CRIPTO: variants seen among roughly 807,000 people sequenced by gnomAD.
CRIPTO encodes cripto, EGF-CFC family member, also known as protein Cripto.
the CRIPTO span, chr3:46,581,229 T>C: frequency 1.5e-4 from 244 of 1,613,790 alleles, no homozygotes; most frequent in Non-Finnish European, 2.9e-5. Flanking sequence ...GCATCTGCCT[T>C]TCTATACAAA....
the CRIPTO span, chr3:46,580,023 G>T: frequency 1.9e-6 from 3 of 1,614,272 alleles, no homozygotes; most frequent in Admixed American, 5.0e-5. Context: ...GGCACGGTCA[G>T]CTCCGCTGCT....
At chr3:46,579,453 C>T in the CRIPTO span, 1 of 1,605,454 alleles carries the variant, frequency 6.2e-7, no homozygotes, top group South Asian at 1.1e-5. Flanking sequence ...CCTAAAAGGG[C>T]ACCTGGTTCT....
At chr3:46,579,770 T>C in the CRIPTO span, 1 of 1,613,078 alleles carries the variant, frequency 6.2e-7, no homozygotes. Context: ...GCTGCCTGAA[T>C]GGGGGAACCT....
chr3:46,577,038 G>C, the CRIPTO span, among the ~76,000 whole-genome samples: 5,154 of 152,254 alleles, frequency 0.034, 196 homozygotes, highest in South Asian at 0.15. Context: ...CTCCCATGCC[G>C]GACTGCCGTG....
chr3:46,576,518 G>T, the CRIPTO span, among the ~76,000 whole-genome samples: 1 of 132,190 alleles, frequency 7.6e-6, no homozygotes, highest in Non-Finnish European at 1.6e-5. Flanking sequence ...ATCATGTGTA[G>T]AAGTAAATAA....
the CRIPTO span, among the ~76,000 whole-genome samples, chr3:46,578,900 A>C: frequency 7.9e-5 from 12 of 152,072 alleles, no homozygotes; most frequent in Admixed American, 7.2e-4. Flanking sequence ...TATTAAAAAG[A>C]CTTGGATATT....
the CRIPTO span, chr3:46,577,653 TGTC>T: frequency 2.1e-6 from 1 of 476,782 alleles, no homozygotes; most frequent in African/African-American, 1.9e-5. Flanking sequence ...TGTGGGCCAT[TGTC>T]ATGCTGGTGG....
At chr3:46,578,016 T>A in the CRIPTO span, 1 of 1,614,050 alleles carries the variant, frequency 6.2e-7, no homozygotes, top group South Asian at 1.1e-5. Context: ...TATGAGCTAA[T>A]CTTGAATGTG....
the CRIPTO span, chr3:46,579,257 T>G: frequency 6.2e-6 from 10 of 1,614,148 alleles, no homozygotes; most frequent in Non-Finnish European, 5.9e-6. Context: ...AATTTGCTCG[T>G]CCATCTCGGG....
At chr3:46,581,111 C>T in the CRIPTO span, 1 of 1,586,608 alleles carries the variant, frequency 6.3e-7, no homozygotes, top group Admixed American at 1.7e-5. Flanking sequence ...GCTTTAATGA[C>T]CAAGCATCCC....
the CRIPTO span, among the ~76,000 whole-genome samples, chr3:46,576,244 T>C: frequency 4.4e-4 from 67 of 151,676 alleles, no homozygotes; most frequent in Admixed American, 4.0e-3. Context: ...CCGAGGCGGG[T>C]GGATCATGAG....
chr3:46,579,689 C>T, the CRIPTO span: 1 of 1,587,806 alleles, frequency 6.3e-7, no homozygotes, highest in South Asian at 1.1e-5. Context: ...AGGAATTGCC[C>T]TTGCACTTTT....
the CRIPTO span, chr3:46,579,458 G>A: frequency 6.2e-7 from 1 of 1,603,566 alleles, no homozygotes; most frequent in African/African-American, 1.3e-5. Context: ...AAGGGCACCT[G>A]GTTCTGGAAC....
chr3:46,579,363 C>T, the CRIPTO span: 1 of 1,614,104 alleles, frequency 6.2e-7, no homozygotes, highest in South Asian at 1.1e-5. Flanking sequence ...GGGGATACAG[C>T]ACAGTAAGAA....
At chr3:46,579,647 AAC>A in the CRIPTO span, 1 of 1,368,784 alleles carries the variant, frequency 7.3e-7, no homozygotes, top group Non-Finnish European at 1.0e-6. Context: ...ACTCTGATAC[AAC>A]ACATTGGTGT....
the CRIPTO span, among the ~76,000 whole-genome samples, chr3:46,575,852 G>A: frequency 6.6e-6 from 1 of 152,198 alleles, no homozygotes; most frequent in Non-Finnish European, 1.5e-5. Context: ...GGTGAGGACT[G>A]TGGTGCACAA....
At chr3:46,579,790 G>C in the CRIPTO span, 2 of 1,613,488 alleles carry the variant, frequency 1.2e-6, no homozygotes, top group Non-Finnish European at 1.7e-6. Flanking sequence ...TGCATGCTGG[G>C]GTCCTTTTGT....
chr3:46,574,794 G>A, the CRIPTO span, among the ~76,000 whole-genome samples: 22,601 of 152,170 alleles, frequency 0.15, 1,755 homozygotes, highest in Middle Eastern at 0.18. Context: ...GGCAGACACA[G>A]GAAGTCTGTC....
the CRIPTO span, chr3:46,579,108 A>C: frequency 6.2e-7 from 1 of 1,614,160 alleles, no homozygotes; most frequent in Non-Finnish European, 8.5e-7. Context: ...GATTTGGATC[A>C]TGGCCATTTC....
Sources: allele counts gnomAD v4.1 joint callset (sites outside exome capture counted in the v4.1 genomes callset), GRCh38; gene constraint gnomAD v4.1.1; transcripts MANE v1.5; gene names NCBI Gene and HGNC (gene_info 2026-07-23, HGNC 2026-07-21).